The following TPD52 variants were observed in gnomAD, a reference collection of about 807,000 sequenced individuals.
The protein encoded by TPD52 is prostate and colon associated protein.
A neutral mutation model predicts 31.3 loss-of-function variants in TPD52; 17 were observed. The observed-to-expected ratio is 0.54, with a 90% confidence interval of 0.37 to 0.82. The LOEUF (loss-of-function observed/expected upper bound fraction) is 0.82, where lower values mean the gene tolerates loss of function less well. TPD52 is among the 40% of genes least tolerant of loss of function. The probability of loss-of-function intolerance (pLI) is 0.00; values close to 1 mark genes in which losing one functional copy is unlikely to be tolerated. For synonymous variants in TPD52, 83 were observed against 89.6 expected, an observed-to-expected ratio of 0.93 and a Z score of 0.42; for missense variants, 212 against 240.1, an observed-to-expected ratio of 0.88 and a Z score of 0.77.
At chr8:80,143,520 C>T (rs1455640828) in intron 1 of TPD52, among the ~76,000 whole-genome samples, 2 of 152,126 alleles carry the variant, frequency 1.3e-5, no homozygotes, top group Non-Finnish European at 2.9e-5. Context: ...TTATACACAG[C>T]ACCACCCTAT....
chr8:80,112,785 TATA>T (rs1034412129), intron 1 of TPD52, among the ~76,000 whole-genome samples: 97 of 152,280 alleles, frequency 6.4e-4, no homozygotes, highest in African/African-American at 2.3e-3. Flanking sequence ...CCTGGCTTTC[TATA>T]ATATTCTCCC....
chr8:80,132,825 G>C (rs1809115941), intron 1 of TPD52, among the ~76,000 whole-genome samples: 1 of 152,136 alleles, frequency 6.6e-6, no homozygotes, highest in African/African-American at 2.4e-5. Flanking sequence ...AGAAACATGG[G>C]TCTCCTGCCT....
intron 1 of TPD52, among the ~76,000 whole-genome samples, chr8:80,129,408 T>C (rs1342612894): frequency 6.6e-6 from 1 of 152,294 alleles, no homozygotes; most frequent in East Asian, 1.9e-4. Context: ...AAAATTCCCA[T>C]ACAAGCATTA....
intron 1 of TPD52, among the ~76,000 whole-genome samples, chr8:80,081,152 CTCTCTTTTTTTTTTT>C (rs1815234710): frequency 2.1e-5 from 3 of 142,720 alleles, no homozygotes. Flanking sequence ...TTTCTTTTCT[CTCTCTTTTTTTTTTT>C]TTTTTTTTTT....
chr8:80,095,861 T>C (rs528349929), intron 1 of TPD52, among the ~76,000 whole-genome samples: 2 of 152,112 alleles, frequency 1.3e-5, no homozygotes, highest in African/African-American at 4.8e-5. Flanking sequence ...GGCAGGAGAA[T>C]CGCTTGAACC....
At chr8:80,098,362 G>A (rs1184145170) in intron 1 of TPD52, among the ~76,000 whole-genome samples, 1 of 152,158 alleles carries the variant, frequency 6.6e-6, no homozygotes, top group Non-Finnish European at 1.5e-5. Context: ...AAAACCTTCT[G>A]GAAAGGATTC....
At chr8:80,083,223 C>G (rs1022156667) in intron 1 of TPD52, among the ~76,000 whole-genome samples, 1 of 151,168 alleles carries the variant, frequency 6.6e-6, no homozygotes, top group African/African-American at 2.4e-5. Flanking sequence ...ATGAGTCATA[C>G]GGAGAGTATA....
chr8:80,102,350 A>G (rs1443253146), intron 1 of TPD52, among the ~76,000 whole-genome samples: 1 of 152,150 alleles, frequency 6.6e-6, no homozygotes, highest in Non-Finnish European at 1.5e-5. Context: ...TGATCACTAC[A>G]TGTCAGCTGG....
chr8:80,130,415 T>C (rs1808941212), intron 1 of TPD52, among the ~76,000 whole-genome samples: 1 of 152,228 alleles, frequency 6.6e-6, no homozygotes, highest in African/African-American at 2.4e-5. Flanking sequence ...GCAGATTTTT[T>C]AGCCCTCTGA....
chr8:80,074,182 G>C (rs944413674), intron 1 of TPD52, among the ~76,000 whole-genome samples: 5 of 152,206 alleles, frequency 3.3e-5, no homozygotes, highest in African/African-American at 1.2e-4. Flanking sequence ...CGGAGTCGCG[G>C]TAAGAAACTT....
At chr8:80,065,115 A>G (rs549169684) in intron 1 of TPD52, among the ~76,000 whole-genome samples, 1 of 152,216 alleles carries the variant, frequency 6.6e-6, no homozygotes, top group East Asian at 1.9e-4. Context: ...GTGGAGGCAG[A>G]AAACATCTTC....
At chr8:80,058,891 T>A (rs918906171) in intron 2 of TPD52, among the ~76,000 whole-genome samples, 3 of 152,146 alleles carry the variant, frequency 2.0e-5, no homozygotes, top group African/African-American at 7.2e-5. Flanking sequence ...TTATAAAACT[T>A]TGGGCGAAAA....
chr8:80,100,299 A>T (rs1806639644), intron 1 of TPD52, among the ~76,000 whole-genome samples: 1 of 152,186 alleles, frequency 6.6e-6, no homozygotes. Context: ...CCAAGCCCTA[A>T]TTATTTTCTC....
chr8:80,069,972 A>G (rs1004320140), intron 1 of TPD52, among the ~76,000 whole-genome samples: 1 of 152,236 alleles, frequency 6.6e-6, no homozygotes, highest in Non-Finnish European at 1.5e-5. Flanking sequence ...CAGAACTCAC[A>G]GTGCCTAGAA....
chr8:80,135,650 A>C (rs1224176689), intron 1 of TPD52, among the ~76,000 whole-genome samples: 2 of 151,022 alleles, frequency 1.3e-5, no homozygotes, highest in Non-Finnish European at 2.9e-5. Flanking sequence ...CCAAAGGACT[A>C]TAAATCATGC....
At chr8:80,100,415 C>G (rs1044020646) in intron 1 of TPD52, among the ~76,000 whole-genome samples, 1 of 152,216 alleles carries the variant, frequency 6.6e-6, no homozygotes, top group Non-Finnish European at 1.5e-5. Flanking sequence ...AGCAAAAAGG[C>G]AACAGCACCT....
chr8:80,119,785 T>C, intron 1 of TPD52: 1 of 362,294 alleles, frequency 2.8e-6, no homozygotes, highest in Non-Finnish European at 5.3e-6. Flanking sequence ...TCCACAAATA[T>C]AAAGGAATTT....
downstream of TPD52, among the ~76,000 whole-genome samples, chr8:80,033,554 T>G (rs904998616): frequency 3.3e-5 from 5 of 152,250 alleles, no homozygotes; most frequent in Admixed American, 6.5e-5. Context: ...TCTTCTCTCC[T>G]GCAGTCTGGG....
chr8:80,043,412 A>AC (rs1215264009), intron 6 of TPD52, among the ~76,000 whole-genome samples: 2 of 152,022 alleles, frequency 1.3e-5, no homozygotes, highest in African/African-American at 4.8e-5. Context: ...CCTTCCTACT[A>AC]CCAAGATGAA....
Sources: gnomAD v4.1 joint callset for allele counts (sites outside exome capture counted in the v4.1 genomes callset) on GRCh38, gnomAD v4.1.1 for gene constraint, MANE v1.5 for transcripts, NCBI Gene and HGNC (gene_info 2026-07-23, HGNC 2026-07-21) for gene names.